ROCK2: variants seen among roughly 807,000 people sequenced by gnomAD.
ROCK2 encodes rho-associated protein kinase 2.
Under a neutral mutation model 195.1 loss-of-function variants are expected in ROCK2, and 61 were observed. The ratio of observed to expected loss-of-function variants is 0.31; its 90% confidence interval spans 0.25 to 0.39. The LOEUF (loss-of-function observed/expected upper bound fraction) is 0.39. ROCK2 is among the 10% of genes least tolerant of loss of function. ROCK2 has a pLI of 1.00. For missense variants in ROCK2, 1,109 were observed against 1,637.4 expected, an observed-to-expected ratio of 0.68 and a Z score of 5.57; for synonymous variants, 504 against 545.5, an observed-to-expected ratio of 0.92 and a Z score of 1.06.
rs752367340 is a variant in ROCK2 at position 11,183,474 on chromosome 2, C to T, written c.4164-34G>A. The T allele has an allele frequency of 4.6e-6, 7 of 1,506,886 alleles. No homozygotes were observed. In the African/African-American group the frequency reaches 6.9e-5, roughly 15 times the overall value. The allele number at this position is 1,506,886 out of a possible 1,614,324, so 93.3% of individuals were successfully genotyped here. A position where few individuals can be genotyped will look rare whatever the true frequency, so the allele number is the denominator to read the frequency against. ...AAAGGAAAAATAAAGTTAGTTGATA[C>T]AGTGAAATAATTTAAGAGTGTTAAA... On this transcript the variant is annotated intron_variant, in intron 32 of 32. Transcript: ENST00000315872.
chr2:11,219,336 C>CTAAA (rs1664544519), intron 9 of ROCK2, among the ~76,000 whole-genome samples: 1 of 67,378 alleles, frequency 1.5e-5, no homozygotes, highest in African/African-American at 6.9e-5. Context: ...CTTATCTCTA[C>CTAAA]AAAAAAAAAA....
chr2:11,202,497 T>A (rs975241075), intron 20 of ROCK2, among the ~76,000 whole-genome samples: 26 of 150,362 alleles, frequency 1.7e-4, no homozygotes, highest in African/African-American at 4.9e-4. Flanking sequence ...TAATAATAAT[T>A]ATTATTATTT....
At position 11,344,105 on chromosome 2, in the gene ROCK2, G is replaced by A. The variant is rs1279317759; in HGVS notation, c.32C>T (p.Pro11Leu). The A allele has an allele frequency of 1.9e-5, 29 of 1,513,390 alleles. No individual in the cohort carries two copies. Among genetic ancestry groups the A allele is most frequent in the Non-Finnish European group, 2.5e-5 (29 of 1,138,496 alleles). 93.7% of individuals were successfully genotyped at this position (1,513,390 alleles called of 1,614,324 possible). MSRPPPTGKM[P>L]GAPETAPGDG... Reference sequence around the variant, plus strand: ...CCCCGGCGCGGTCTCGGGGGCGCCGGGCATTTTCCCCGTCGGCGGGGGCCG... The same window carrying A: ...CCCCGGCGCGGTCTCGGGGGCGCCGAGCATTTTCCCCGTCGGCGGGGGCCG... Residue 11 changes from proline (P) to leucine (L), a missense_variant, in exon 1 of 33, where the codon CCC (proline) becomes CTC (leucine). Transcript: ENST00000315872. This position sits in a 1 kb window ranked among gnomAD's most constrained non-coding sequence, Gnocchi z 5.4.
At chr2:11,251,324 A>G (rs540712004) in intron 3 of ROCK2, among the ~76,000 whole-genome samples, 1 of 152,366 alleles carries the variant, frequency 6.6e-6, no homozygotes, top group South Asian at 2.1e-4. Context: ...CTTTCAATAA[A>G]TATCTGCTGA....
Position 11,201,888 on chromosome 2 carries a change from GT to G in ROCK2, c.2619+163del, listed in dbSNP as rs1039433196. On this transcript the variant is annotated intron_variant, in intron 21 of 32. Coordinates refer to ENST00000315872, the MANE Select transcript of ROCK2 (RefSeq NM_004850.5). This position sits in a 1 kb window ranked among gnomAD's most constrained non-coding sequence, Gnocchi z 4.6. The stretch of plus-strand genomic sequence containing the variant: ...GCTGTTAATCAGCTTCACCAGGTAT[GT>G]TTTGTGCTTAGAATTATTTTTCTAG... 6.6e-6 allele frequency among the ~76,000 whole-genome samples: 1 copy of G among 152,148 alleles called. No individual in the cohort carries two copies. The highest frequency in any genetic ancestry group is 2.4e-5 in the African/African-American group (1 of 41,448).
chr2:11,315,293 A>G (rs1668156478), intron 1 of ROCK2, among the ~76,000 whole-genome samples: 1 of 152,096 alleles, frequency 6.6e-6, no homozygotes, highest in African/African-American at 2.4e-5. Flanking sequence ...AAGCAATTAT[A>G]ACCACTGAAT....
chr2:11,289,693 T>C (rs1180204285), intron 1 of ROCK2, among the ~76,000 whole-genome samples: 1 of 152,226 alleles, frequency 6.6e-6, no homozygotes, highest in Admixed American at 6.5e-5. Context: ...AAGCCTTTCT[T>C]TGAAGCAACA....
intron 1 of ROCK2, among the ~76,000 whole-genome samples, chr2:11,343,617 C>T (rs966794625): frequency 4.6e-5 from 7 of 152,196 alleles, no homozygotes; most frequent in Non-Finnish European, 7.3e-5. Flanking sequence ...TTCTCCCTCG[C>T]TCGCACCAAG....
At chr2:11,234,937 C>T (rs1391533131) in intron 5 of ROCK2, among the ~76,000 whole-genome samples, 1 of 152,006 alleles carries the variant, frequency 6.6e-6, no homozygotes, top group Non-Finnish European at 1.5e-5. Context: ...ATAAGATTGG[C>T]TTTATAAGCA....
chr2:11,273,131 G>GAAAACA (rs953528884), intron 3 of ROCK2, among the ~76,000 whole-genome samples: 1 of 67,870 alleles, frequency 1.5e-5, no homozygotes, highest in Non-Finnish European at 3.2e-5. Context: ...ACAACATATA[G>GAAAACA]AAAACAAATA....
At chr2:11,276,164 C>A (rs960901880) in intron 3 of ROCK2, among the ~76,000 whole-genome samples, 6 of 152,150 alleles carry the variant, frequency 3.9e-5, no homozygotes, top group African/African-American at 1.4e-4. Flanking sequence ...CAAGAAAAGG[C>A]TTGTGCCACT....
chr2:11,204,295 G>A (rs541167014), intron 20 of ROCK2, among the ~76,000 whole-genome samples: 1 of 151,826 alleles, frequency 6.6e-6, no homozygotes, highest in Non-Finnish European at 1.5e-5. Flanking sequence ...CATCTAAGTG[G>A]TATAATGAAC....
chr2:11,279,029 T>C (rs1666917399), intron 3 of ROCK2, among the ~76,000 whole-genome samples: 1 of 147,786 alleles, frequency 6.8e-6, no homozygotes, highest in African/African-American at 2.5e-5. Context: ...AAAAAAAGTA[T>C]AAACAATCTG....
Position 11,249,802 on chromosome 2 carries a change from T to C in ROCK2, c.325-4A>G. Reference sequence around the variant, plus strand: ...TCTGCGATGCCTTGTGACGAACCTGTTGATTTTTGAAAACACAAAAATTAA... The same window carrying C: ...TCTGCGATGCCTTGTGACGAACCTGCTGATTTTTGAAAACACAAAAATTAA... On this transcript the variant is annotated splice_region_variant and splice_polypyrimidine_tract_variant and intron_variant, in intron 3 of 32. Transcript: ENST00000315872. The C allele has an allele frequency of 6.7e-7, 1 of 1,499,812 alleles. No individual in the cohort carries two copies. Among genetic ancestry groups the C allele is most frequent in the Non-Finnish European group, 8.9e-7 (1 of 1,129,112 alleles). 92.9% of individuals were successfully genotyped at this position (1,499,812 alleles called of 1,614,324 possible). A position where few individuals can be genotyped will look rare whatever the true frequency, so the allele number is the denominator to read the frequency against.
chr2:11,343,925 GGAGGGCTGGGCGGA>G, intron 1 of ROCK2, 57 bp downstream of exon 1: 2 of 1,514,160 alleles, frequency 1.3e-6, no homozygotes, highest in Non-Finnish European at 1.8e-6. Flanking sequence ...GGACGGGCAC[GGAGGGCTGGGCGGA>G]GAGGGGATCT....
rs553295869 is a variant in ROCK2 at position 11,317,663 on chromosome 2, C to T, written c.141+26333G>A. On this transcript the variant is annotated intron_variant, in intron 1 of 32. Transcript: ENST00000315872. Reference sequence around the variant, plus strand: ...TAAGTTCTAGGGTACATGTGCACAACGTGCAGGCTTGTTACATATGTATAC... The same window carrying T: ...TAAGTTCTAGGGTACATGTGCACAATGTGCAGGCTTGTTACATATGTATAC... Among the ~76,000 whole-genome samples the T allele has an allele frequency of 1.7e-3, 205 of 122,252 alleles. 1 individual carries two copies. The highest frequency in any genetic ancestry group is 5.8e-3 in the African/African-American group (187 of 32,160). The allele number at this position is 122,252 out of a possible 152,430, so 80.2% of individuals were successfully genotyped here. A position where few individuals can be genotyped will look rare whatever the true frequency, so the allele number is the denominator to read the frequency against.
chr2:11,312,979 G>T (rs926786351), intron 1 of ROCK2, among the ~76,000 whole-genome samples: 5 of 152,078 alleles, frequency 3.3e-5, no homozygotes, highest in Admixed American at 2.0e-4. Context: ...AAAGAAAGGA[G>T]GATGATGAAG....
chr2:11,216,967 C>T (rs1464194337), intron 12 of ROCK2, 123 bp downstream of exon 12: 6 of 516,414 alleles, frequency 1.2e-5, no homozygotes, highest in Non-Finnish European at 2.1e-5. Flanking sequence ...CGTGATCCAC[C>T]CACCTCGGCC....
rs571855473 is a variant in ROCK2 at position 11,258,324 on chromosome 2, C to T, written c.325-8526G>A. On this transcript the variant is annotated intron_variant, in intron 3 of 32. Coordinates refer to ENST00000315872, the MANE Select transcript of ROCK2 (RefSeq NM_004850.5). ...CATGCATTAGAAGTTTTGTCTCATA[C>T]CCTTACTACCTGCGTATTTCTTTGA... 4.6e-5 allele frequency among the ~76,000 whole-genome samples: 7 copies of T among 151,586 alleles called. 1 individual carries two copies. Among genetic ancestry groups the T allele is most frequent in the African/African-American group, 1.2e-4 (5 of 40,868 alleles).
Sources: allele counts gnomAD v4.1 joint callset (sites outside exome capture counted in the v4.1 genomes callset), GRCh38; gene constraint gnomAD v4.1.1; non-coding constraint Gnocchi (gnomAD v3.1); transcripts MANE v1.5; gene names NCBI Gene and HGNC (gene_info 2026-07-23, HGNC 2026-07-21).